APBA1: variants seen among roughly 807,000 people sequenced by gnomAD.
The protein encoded by APBA1 is amyloid-beta A4 precursor protein-binding family A member 1.
A neutral mutation model predicts 86.6 loss-of-function variants in APBA1; 55 were observed. The ratio of observed to expected loss-of-function variants is 0.64; its 90% CI spans 0.51 to 0.80. The LOEUF (loss-of-function observed/expected upper bound fraction) is 0.80. Among genes scored for constraint, APBA1 ranks in the 30% least tolerant of loss-of-function variants. APBA1 has a pLI of 0.00. For missense variants in APBA1, 1,090 were observed against 1,183.0 expected (o/e 0.92, Z 1.15); for synonymous variants, 511 against 493.9 (o/e 1.03, Z -0.46).
At chr9:69,494,292 GC>G (rs1588319109) in intron 2 of APBA1, 1 of 152,054 alleles carries the variant, frequency 6.6e-6, no homozygotes, top group East Asian at 1.9e-4. Flanking sequence ...CACAGGCAAA[GC>G]CCTCCTGTTC....
At chr9:69,540,280 G>T (rs1056429210) in intron 1 of APBA1, among the ~76,000 whole-genome samples, 1 of 151,800 alleles carries the variant, frequency 6.6e-6, no homozygotes, top group South Asian at 2.1e-4. Flanking sequence ...TTTATTGTTG[G>T]TCTCTCTCCC....
intron 1 of APBA1, among the ~76,000 whole-genome samples, chr9:69,650,414 GA>G (rs1168412132): frequency 3.9e-5 from 6 of 152,166 alleles, no homozygotes; most frequent in Non-Finnish European, 7.3e-5. Context: ...GGTTAGAATG[GA>G]ACTCAATGTT....
intron 2 of APBA1, among the ~76,000 whole-genome samples, chr9:69,506,028 A>G (rs1328950925): frequency 6.6e-6 from 1 of 151,536 alleles, no homozygotes; most frequent in Non-Finnish European, 1.5e-5. Context: ...AAAAAAAAAG[A>G]AAAAGAAGAA....
Position 69,431,160 on chromosome 9 carries a change from A to C in APBA1, c.*167T>G. The C allele has an allele frequency of 2.0e-6, 1 of 502,052 alleles. No homozygotes were observed. The highest frequency in any genetic ancestry group is 3.5e-6 in the Non-Finnish European group (1 of 287,674). The allele number at this position is 502,052 out of a possible 1,614,324, so 31.1% of individuals were successfully genotyped here. ...GGTATTGAAAAAAAAAAAAAAAAAA[A>C]AGCAAATCGGAGAGAGTAAAGAGGT... On this transcript the variant is annotated 3_prime_UTR_variant, in exon 13 of 13. Coordinates refer to ENST00000265381, the MANE Select transcript of APBA1 (RefSeq NM_001163.4).
intron 1 of APBA1, among the ~76,000 whole-genome samples, chr9:69,664,667 C>G (rs983469059): frequency 1.3e-5 from 2 of 152,180 alleles, no homozygotes; most frequent in Non-Finnish European, 2.9e-5. Flanking sequence ...TAAGTAGATA[C>G]TTCACTCTTT....
chr9:69,643,832 C>A (rs1823339433), intron 1 of APBA1, among the ~76,000 whole-genome samples: 1 of 152,206 alleles, frequency 6.6e-6, no homozygotes, highest in African/African-American at 2.4e-5. Flanking sequence ...AAGACCCTAC[C>A]TGGGCTGATC....
In APBA1 at chr9:69,449,954, T is replaced by C. The variant is rs528725217; in HGVS notation, c.1969-158A>G. Among the ~76,000 whole-genome samples the C allele has an allele frequency of 2.6e-5, 4 of 152,192 alleles. No homozygotes were observed. In the East Asian group the frequency reaches 7.7e-4, roughly 29 times the overall value. ...CTGTCTTCTCAGCATTCCGCATATT[T>C]GGAGTTTTTAAGAAATGAATTCACA... is the stretch of plus-strand genomic sequence containing the variant. On this transcript the variant is annotated intron_variant, in intron 9 of 12. Coordinates refer to ENST00000265381, the MANE Select transcript of APBA1 (RefSeq NM_001163.4).
At chr9:69,643,539 T>C (rs1282824902) in intron 1 of APBA1, among the ~76,000 whole-genome samples, 4 of 152,174 alleles carry the variant, frequency 2.6e-5, no homozygotes, top group African/African-American at 9.7e-5. Flanking sequence ...TTTCTTTTCC[T>C]CTATGTCTGC....
chr9:69,633,232 T>A (rs111264880), intron 1 of APBA1, among the ~76,000 whole-genome samples: 21 of 152,244 alleles, frequency 1.4e-4, no homozygotes, highest in African/African-American at 4.8e-4. Flanking sequence ...TGTCTCACAA[T>A]CTCTTGTTGT....
chr9:69,457,155 G>T lies in APBA1; in HGVS notation c.1516-16C>A. ...CTTCAGGAGCCTGAGAAGAAAAAATGCACCAAGAGAAAGTTTGACCACACT... is the reference window on the plus strand; with the variant it reads ...CTTCAGGAGCCTGAGAAGAAAAAATTCACCAAGAGAAAGTTTGACCACACT... On this transcript the variant is annotated splice_polypyrimidine_tract_variant and intron_variant, in intron 6 of 12. Coordinates refer to ENST00000265381, the MANE Select transcript of APBA1 (RefSeq NM_001163.4). 1 of 1,608,812 alleles carries T rather than the reference G, an allele frequency of 6.2e-7. No individual in the cohort carries two copies. The highest frequency in any genetic ancestry group is 8.5e-7 in the Non-Finnish European group (1 of 1,175,136).
At chr9:69,486,544 T>G (rs1244047819) in intron 2 of APBA1, among the ~76,000 whole-genome samples, 1 of 151,928 alleles carries the variant, frequency 6.6e-6, no homozygotes, top group Non-Finnish European at 1.5e-5. Context: ...TTCTGTACAG[T>G]GGGGACACAG....
chr9:69,575,356 C>A (rs543795965), intron 1 of APBA1, among the ~76,000 whole-genome samples: 1 of 152,300 alleles, frequency 6.6e-6, no homozygotes, highest in East Asian at 1.9e-4. Context: ...GAAAAAACTA[C>A]TTTAAAGTTC....
intron 1 of APBA1, among the ~76,000 whole-genome samples, chr9:69,620,938 A>T (rs1315073735): frequency 6.6e-6 from 1 of 152,188 alleles, no homozygotes; most frequent in Non-Finnish European, 1.5e-5. Flanking sequence ...GGGTAGCAGC[A>T]TGCGGCGGTC....
At chr9:69,589,695 G>C (rs2133963868) in intron 1 of APBA1, among the ~76,000 whole-genome samples, 1 of 152,252 alleles carries the variant, frequency 6.6e-6, no homozygotes, top group South Asian at 2.1e-4. Context: ...AATTCAGTTA[G>C]CTTTCAAAAC....
At chr9:69,471,726 A>G in intron 3 of APBA1, 31 bp from the exon 4 acceptor site, 1 of 1,587,190 alleles carries the variant, frequency 6.3e-7, no homozygotes, top group Non-Finnish European at 8.6e-7. Flanking sequence ...TTTCAAAAAG[A>G]GCAAAGCATA....
chr9:69,491,418 A>G (rs189836117), intron 2 of APBA1, among the ~76,000 whole-genome samples: 166 of 151,920 alleles, frequency 1.1e-3, no homozygotes, highest in African/African-American at 3.9e-3. Flanking sequence ...GAACACTTAG[A>G]CATAGGAAGG....
intron 1 of APBA1, among the ~76,000 whole-genome samples, chr9:69,586,811 A>G (rs998783348): frequency 6.6e-6 from 1 of 152,190 alleles, no homozygotes; most frequent in African/African-American, 2.4e-5. Flanking sequence ...GCTGCCCATT[A>G]CAACTAACAA....
chr9:69,626,530 A>T (rs1033724509), intron 1 of APBA1, among the ~76,000 whole-genome samples: 1 of 152,180 alleles, frequency 6.6e-6, no homozygotes, highest in Non-Finnish European at 1.5e-5. Flanking sequence ...AATATACAAG[A>T]ATAAGAAAGA....
chr9:69,660,636 A>T (rs1823736230), intron 1 of APBA1, among the ~76,000 whole-genome samples: 1 of 152,242 alleles, frequency 6.6e-6, no homozygotes, highest in Non-Finnish European at 1.5e-5. Context: ...ATCTTAACTC[A>T]ATCATTCCCA....
Sources: allele counts gnomAD v4.1 joint callset (sites outside exome capture counted in the v4.1 genomes callset), GRCh38; gene constraint gnomAD v4.1.1; transcripts MANE v1.5; gene names NCBI Gene and HGNC (gene_info 2026-07-23, HGNC 2026-07-21).